Variants in ANO7 observed in about 807,000 individuals in gnomAD.
ANO7 encodes the protein anoctamin-7.
Under a neutral mutation model 115.8 loss-of-function variants are expected in ANO7, and 114 were observed. The observed-to-expected ratio is 0.98, with a 90% CI of 0.85 to 1.15. ANO7 has a LOEUF of 1.15. ANO7 is among the 50% of genes most tolerant of loss of function. ANO7 has a pLI of 0.00. For missense variants in ANO7, 1,302 were observed against 1,201.2 expected (o/e 1.08, Z -1.24); for synonymous variants, 550 against 498.2 (o/e 1.10, Z -1.38).
At chr2:241,197,431 G>A (rs973351772) in intron 4 of ANO7, among the ~76,000 whole-genome samples, 7 of 152,106 alleles carry the variant, frequency 4.6e-5, no homozygotes, top group African/African-American at 7.2e-5. Flanking sequence ...TGTTGCCCTG[G>A]CCGGAGTGCA....
the ANO7 span, chr2:241,239,687 G>T: frequency 6.2e-7 from 1 of 1,614,126 alleles, no homozygotes. The surrounding 1 kb of genome is among the most constrained non-coding windows in gnomAD (Gnocchi z 4.6). Context: ...GTCGCTCTGT[G>T]TGCCAGAGCG....
At chr2:241,229,494 G>C, downstream of ANO7, 1 of 800,556 alleles carries the variant, frequency 1.2e-6, no homozygotes, top group Non-Finnish European at 2.0e-6. Context: ...AGGGGGAAGA[G>C]CGTCAACAAT....
Position 241,224,518 on chromosome 2 carries a change from A to C in ANO7, c.*365A>C. 1 of 278,920 alleles carries C rather than the reference A, an allele frequency of 3.6e-6. No individual in the cohort carries two copies. 17.3% of individuals were successfully genotyped at this position (278,920 alleles called of 1,614,324 possible). On this transcript the variant is annotated 3_prime_UTR_variant, in exon 25 of 25. Coordinates refer to ENST00000674324, the MANE Select transcript of ANO7 (RefSeq NM_001370694.2). ...TGTGGTCCTCGCCGCCCCTGGCCACATCGCCCTCTCCTCTTACACCTGGTG... is the reference window on the plus strand; with the variant it reads ...TGTGGTCCTCGCCGCCCCTGGCCACCTCGCCCTCTCCTCTTACACCTGGTG...
chr2:241,218,339 G>C lies in ANO7; in HGVS notation c.2279G>C (p.Arg760Pro). The change falls in exon 21 of 25, where the codon CGA (arginine) becomes CCA (proline). Residue 760 changes from arginine (R) to proline (P), a missense_variant. By Grantham distance (103) the Arg-to-Pro change is moderately radical. Coordinates refer to ENST00000674324, the MANE Select transcript of ANO7 (RefSeq NM_001370694.2). ...GGCTTCCTCAACTTCACGCTGGCGC[G>C]AGCCCCGTCCTCCTTCGCCGCCGCG... The part of the protein sequence containing the change: ...LRGFLNFTLA[R>P]APSSFAAAHN... 1 of 1,496,122 alleles carries C rather than the reference G, an allele frequency of 6.7e-7. No individual in the cohort carries two copies. Among genetic ancestry groups the C allele is most frequent in the Non-Finnish European group, 8.9e-7 (1 of 1,128,342 alleles). The allele number at this position is 1,496,122 out of a possible 1,614,324, so 92.7% of individuals were successfully genotyped here. A position where few individuals can be genotyped will look rare whatever the true frequency, so the allele number is the denominator to read the frequency against.
At chr2:241,227,546 T>C (rs906352670), downstream of ANO7, 1 of 152,580 alleles carries the variant, frequency 6.6e-6, no homozygotes, top group African/African-American at 2.4e-5. Flanking sequence ...GGGACAGTCA[T>C]GTCATCACCC....
chr2:241,221,517 G>T (rs1341817448), intron 21 of ANO7, among the ~76,000 whole-genome samples: 1 of 151,688 alleles, frequency 6.6e-6, no homozygotes, highest in Non-Finnish European at 1.5e-5. Flanking sequence ...TTACAGGCGT[G>T]CGCTACCACA....
chr2:241,205,006 G>T (rs1031711725), intron 10 of ANO7, 51 bp downstream of exon 10: 2 of 1,550,692 alleles, frequency 1.3e-6, no homozygotes, highest in Non-Finnish European at 1.8e-6. Context: ...GCCTCCAGAT[G>T]GGTGTGGGGC....
At chr2:241,230,891 C>G (rs1454369072), downstream of ANO7, 6 of 1,614,046 alleles carry the variant, frequency 3.7e-6, no homozygotes, top group Admixed American at 1.7e-5. The surrounding 1 kb of genome is among the most constrained non-coding windows in gnomAD (Gnocchi z 5.0). Flanking sequence ...GTATAGCATC[C>G]CTGGCAGCTT....
In ANO7 at chr2:241,225,823, A is replaced by C. The variant is rs1464013216; in HGVS notation, c.*1670A>C. Among the ~76,000 whole-genome samples, 4 of 152,192 alleles carry C rather than the reference A, an allele frequency of 2.6e-5. No homozygotes were observed. The highest frequency in any genetic ancestry group is 5.9e-5 in the Non-Finnish European group (4 of 68,034). ...CACCGGCCGGAGCATGGCGGACAGC[A>C]CACACGGCCCGGGGCGGGAACCTTG... On this transcript the variant is annotated 3_prime_UTR_variant, in exon 25 of 25. Transcript: ENST00000674324.
At chr2:241,192,018 C>T (rs968324467) in intron 3 of ANO7, among the ~76,000 whole-genome samples, 1 of 152,214 alleles carries the variant, frequency 6.6e-6, no homozygotes, top group African/African-American at 2.4e-5. Context: ...GGCGTGCATT[C>T]GTCTGCTGGG....
chr2:241,212,434 C>T, intron 16 of ANO7, 138 bp from the exon 17 acceptor site: 1 of 1,055,916 alleles, frequency 9.5e-7, no homozygotes, highest in Non-Finnish European at 1.4e-6. Flanking sequence ...AGGCCCAGCT[C>T]ACAACCGGGA....
Position 241,223,958 on chromosome 2 carries a change from A to C in ANO7, c.2583+3A>C. On this transcript the variant is annotated splice_donor_region_variant and intron_variant, in intron 24 of 24. Transcript: ENST00000674324. Reference sequence around the variant, plus strand: ...ATGAGCAGCCCGAGGGCTCAGAGGCAAGTCTGGGAGCAGCCAGGCCCCTGC... The same window carrying C: ...ATGAGCAGCCCGAGGGCTCAGAGGCCAGTCTGGGAGCAGCCAGGCCCCTGC... The C allele has an allele frequency of 6.2e-7, 1 of 1,614,040 alleles. No homozygotes were observed. The highest frequency in any genetic ancestry group is 2.2e-5 in the East Asian group (1 of 44,870).
At chr2:241,227,890 T>G (rs1241235144), downstream of ANO7, 1 of 152,204 alleles carries the variant, frequency 6.6e-6, no homozygotes, top group Non-Finnish European at 1.5e-5. Context: ...GGGCCTTGCT[T>G]TCTTTCCCTG....
chr2:241,227,989 C>T (rs1403808477), downstream of ANO7: 1 of 152,268 alleles, frequency 6.6e-6, no homozygotes, highest in South Asian at 2.1e-4. Flanking sequence ...CAGGCCCATT[C>T]AGGGCTGCCT....
At chr2:241,218,483 GGGCGCCGCCGGGCAAGGCC>G in intron 21 of ANO7, 102 bp downstream of exon 21, 1 of 1,093,190 alleles carries the variant, frequency 9.1e-7, no homozygotes, top group Non-Finnish European at 1.1e-6. Context: ...CGGGAGGGGC[GGGCGCCGCCGGGCAAGGCC>G]GGGGGAGGGG....
the ANO7 span, chr2:241,234,041 C>T: frequency 5.9e-6 from 9 of 1,524,846 alleles, no homozygotes; most frequent in Admixed American, 1.0e-4. Flanking sequence ...CCACCCTGGT[C>T]ATAGGACACT....
chr2:241,201,320 G>T lies in ANO7; in HGVS notation c.577G>T (p.Asp193Tyr). Residue 193 changes from aspartate to tyrosine, a missense_variant, in exon 7 of 25, where the codon GAC (aspartate) becomes TAC (tyrosine). Coordinates refer to ENST00000674324, the MANE Select transcript of ANO7 (RefSeq NM_001370694.2). The stretch of plus-strand genomic sequence containing the variant: ...CAGCTTCCTCGGGAGTGACAACCAG[G>T]ACACCTTCTTCACAAGCACCAAGAG... ...LPRFLGSDNQ[D>Y]TFFTSTKRHQ... is the part of the protein sequence containing the mutation. The T allele has an allele frequency of 6.2e-7, 1 of 1,613,364 alleles. No homozygotes were observed. The highest frequency in any genetic ancestry group is 8.5e-7 in the Non-Finnish European group (1 of 1,179,810).
intron 21 of ANO7, among the ~76,000 whole-genome samples, chr2:241,221,617 A>C (rs1203710884): frequency 6.7e-6 from 1 of 148,548 alleles, no homozygotes; most frequent in Non-Finnish European, 1.5e-5. Flanking sequence ...AACCTCAGGT[A>C]TCTGCCCACT....
chr2:241,189,487 CAGAG>C (rs780242539), intron 1 of ANO7, among the ~76,000 whole-genome samples: 3 of 152,284 alleles, frequency 2.0e-5, no homozygotes, highest in East Asian at 1.9e-4. Context: ...TGTCCTCCCA[CAGAG>C]AGAGACCCCC....
Sources: allele counts gnomAD v4.1 joint callset (sites outside exome capture counted in the v4.1 genomes callset), GRCh38; gene constraint gnomAD v4.1.1; non-coding constraint Gnocchi (gnomAD v3.1); transcripts MANE v1.5; gene names NCBI Gene and HGNC (gene_info 2026-07-23, HGNC 2026-07-21).